Variants in ENTPD1 observed in about 807,000 individuals in gnomAD.
ENTPD1 encodes ectonucleoside triphosphate diphosphohydrolase 1, also known as ATP diphosphohydrolase.
In ENTPD1, 33 loss-of-function variants were observed where a neutral mutation model predicts 57.0. The ratio of observed to expected loss-of-function variants is 0.58; its 90% CI spans 0.44 to 0.77. ENTPD1 has a LOEUF of 0.77. ENTPD1 is among the 30% of genes least tolerant of loss of function. The probability of loss-of-function intolerance (pLI) is 0.00; values close to 1 mark genes in which losing one functional copy is unlikely to be tolerated. For synonymous variants in ENTPD1, 202 were observed against 218.8 expected (o/e 0.92, Z 0.68); for missense variants, 501 against 603.4 (o/e 0.83, Z 1.78).
intron 1 of ENTPD1, among the ~76,000 whole-genome samples, chr10:95,799,612 C>T (rs2098240444): frequency 6.6e-6 from 1 of 151,986 alleles, no homozygotes. Flanking sequence ...ACATATGTGT[C>T]TTTATGATAG....
At chr10:95,750,602 T>C (rs1445862677) in intron 1 of ENTPD1, among the ~76,000 whole-genome samples, 3 of 152,140 alleles carry the variant, frequency 2.0e-5, no homozygotes, top group Non-Finnish European at 4.4e-5. Context: ...CAGTCTCAGG[T>C]ATTTCTTTAT....
chr10:95,757,779 C>T (rs890869611), intron 1 of ENTPD1, among the ~76,000 whole-genome samples: 11 of 151,636 alleles, frequency 7.3e-5, no homozygotes, highest in African/African-American at 1.2e-4. Flanking sequence ...CCGAGGTGGG[C>T]GGATCACCTG....
At chr10:95,853,038 T>C (rs1439681598) in intron 7 of ENTPD1, among the ~76,000 whole-genome samples, 1 of 152,212 alleles carries the variant, frequency 6.6e-6, no homozygotes, top group Non-Finnish European at 1.5e-5. Flanking sequence ...GCCATTTTCA[T>C]GACATTGATT....
At chr10:95,809,722 C>T (rs1260958879) in intron 1 of ENTPD1, among the ~76,000 whole-genome samples, 16 of 95,268 alleles carry the variant, frequency 1.7e-4, no homozygotes, top group African/African-American at 6.1e-4. Context: ...ACGGGGTGGC[C>T]GCCGGGCAGA....
At chr10:95,820,630 A>G (rs1434364610) in intron 1 of ENTPD1, among the ~76,000 whole-genome samples, 1 of 152,164 alleles carries the variant, frequency 6.6e-6, no homozygotes, top group Non-Finnish European at 1.5e-5. Flanking sequence ...GTCACCTTCA[A>G]GGTCTCGGCT....
chr10:95,845,217 T>C (rs2098432407), intron 5 of ENTPD1, 140 bp from the exon 6 acceptor site: 5 of 1,110,594 alleles, frequency 4.5e-6, no homozygotes, highest in Admixed American at 3.7e-5. Context: ...TAATCTGTTG[T>C]AGATCAGGAG....
Position 95,867,718 on chromosome 10 carries a change from T to C in ENTPD1, c.*1335T>C, listed in dbSNP as rs554919090. The stretch of plus-strand genomic sequence containing the variant: ...TGCAAGAGTTACCTGTTGAGCAGGA[T>C]TGACTGGTGATGTTTCATTCTGACC... On this transcript the variant is annotated 3_prime_UTR_variant, in exon 10 of 10. Transcript: ENST00000371205. 309 of 985,360 alleles carry C rather than the reference T, an allele frequency of 3.1e-4. No individual in the cohort carries two copies. Among genetic ancestry groups the C allele is most frequent in the Non-Finnish European group, 3.6e-4 (301 of 829,968 alleles). The allele number at this position is 985,360 out of a possible 1,614,324, so 61.0% of individuals were successfully genotyped here.
intron 1 of ENTPD1, among the ~76,000 whole-genome samples, chr10:95,739,439 C>T (rs369699326): frequency 1.1e-4 from 16 of 152,330 alleles, no homozygotes; most frequent in African/African-American, 3.1e-4. Context: ...GTCATTTCAA[C>T]GATGTTCACT....
chr10:95,707,194 G>A (rs555278251), upstream of ENTPD1, among the ~76,000 whole-genome samples: 32 of 152,264 alleles, frequency 2.1e-4, no homozygotes, highest in South Asian at 4.1e-4. Context: ...AGCTGCACCC[G>A]GGAGGGCAGA....
chr10:95,867,565 A>C lies in ENTPD1; in HGVS notation c.*1182A>C. ...GAATTTACACATCAGAATGTGCAGG[A>C]TCCAAGTCTGAAAGTGTTGCCACCC... On this transcript the variant is annotated 3_prime_UTR_variant, in exon 10 of 10. Transcript: ENST00000371205. The C allele has an allele frequency of 1.0e-6, 1 of 985,450 alleles. No individual in the cohort carries two copies. The allele number at this position is 985,450 out of a possible 1,614,324, so 61.0% of individuals were successfully genotyped here.
intron 1 of ENTPD1, among the ~76,000 whole-genome samples, chr10:95,742,527 T>C (rs1589662936): frequency 7.1e-6 from 1 of 140,636 alleles, no homozygotes; most frequent in Non-Finnish European, 1.5e-5. Flanking sequence ...TTCTTCTTCT[T>C]CTTTTTCTTT....
At chr10:95,708,430 T>G (rs1343990248), upstream of ENTPD1, among the ~76,000 whole-genome samples, 1 of 152,300 alleles carries the variant, frequency 6.6e-6, no homozygotes, top group Non-Finnish European at 1.5e-5. Context: ...GCCTGGATGG[T>G]CTCAATCTCC....
In ENTPD1 at chr10:95,837,956, TCACA is replaced by T. The variant is rs142329357; in HGVS notation, c.145-1711_145-1708del. Reference sequence around the variant, plus strand: ...ACCTAGCTTATATATGTAGGGAGATTCACACACACACACACACACACACACACCA... The same window carrying T: ...ACCTAGCTTATATATGTAGGGAGATTCACACACACACACACACACACACCA... On this transcript the variant is annotated intron_variant, in intron 2 of 9. Transcript: ENST00000371205. Among the ~76,000 whole-genome samples the T allele has an allele frequency of 7.5e-3, 1,100 of 146,910 alleles. 6 individuals are homozygous for T. Among genetic ancestry groups the T allele is most frequent in the Non-Finnish European group, 9.9e-3 (659 of 66,318 alleles).
At chr10:95,779,436 A>G (rs1272089247) in intron 1 of ENTPD1, among the ~76,000 whole-genome samples, 1 of 152,146 alleles carries the variant, frequency 6.6e-6, no homozygotes, top group African/African-American at 2.4e-5. Flanking sequence ...CTATAACTTA[A>G]CATAGGGTCC....
At chr10:95,775,725 T>C (rs1298243735) in intron 1 of ENTPD1, among the ~76,000 whole-genome samples, 1 of 152,190 alleles carries the variant, frequency 6.6e-6, no homozygotes, top group Admixed American at 6.5e-5. Flanking sequence ...ATCTGTCTAA[T>C]ATTGACAGTG....
intron 1 of ENTPD1, among the ~76,000 whole-genome samples, chr10:95,720,397 T>G (rs1287641720): frequency 6.6e-6 from 1 of 152,154 alleles, no homozygotes; most frequent in African/African-American, 2.4e-5. Context: ...CTTTCAGGCA[T>G]AATTAGAAAA....
At chr10:95,723,682 A>G (rs1036781989) in intron 1 of ENTPD1, among the ~76,000 whole-genome samples, 20 of 152,216 alleles carry the variant, frequency 1.3e-4, no homozygotes, top group Non-Finnish European at 2.5e-4. Flanking sequence ...GTAGGGGCAC[A>G]CACATGGGCA....
intron 1 of ENTPD1, among the ~76,000 whole-genome samples, chr10:95,748,169 G>T (rs933577690): frequency 6.6e-6 from 1 of 152,070 alleles, no homozygotes; most frequent in Non-Finnish European, 1.5e-5. Context: ...CACCGCACCC[G>T]GCCCAAATTA....
intron 5 of ENTPD1, 78 bp downstream of exon 5, chr10:95,844,713 C>G (rs1590122631): frequency 6.5e-7 from 1 of 1,547,662 alleles, no homozygotes. Context: ...ACTTGGGTCG[C>G]TAGCCAGAAT....
Sources: allele counts gnomAD v4.1 joint callset (sites outside exome capture counted in the v4.1 genomes callset), GRCh38; gene constraint gnomAD v4.1.1; transcripts MANE v1.5; gene names NCBI Gene and HGNC (gene_info 2026-07-23, HGNC 2026-07-21).